CCNT2: variants seen among roughly 807,000 people sequenced by gnomAD.
CCNT2 encodes the protein cyclin T2.
CCNT2 carries 18 observed loss-of-function variants against 70.0 expected under a neutral mutation model. The ratio of observed to expected loss-of-function variants is 0.26; its 90% CI spans 0.18 to 0.38. CCNT2 has a LOEUF of 0.38. CCNT2 is among the 10% of genes least tolerant of loss of function. CCNT2 has a pLI of 1.00. For synonymous variants in CCNT2, 334 were observed against 313.3 expected, an observed-to-expected ratio of 1.07 and a Z score of -0.70; for missense variants, 734 against 890.2, an observed-to-expected ratio of 0.82 and a Z score of 2.23.
intron 5 of CCNT2, chr2:134,943,276 A>C: frequency 2.8e-6 from 1 of 353,386 alleles, no homozygotes; most frequent in Non-Finnish European, 4.0e-6. Flanking sequence ...TGGTACACGC[A>C]TGTAGTCTCA....
At chr2:134,931,260 A>ATATTTTTTTTTTTTTTTTTTTTTTT in intron 2 of CCNT2, among the ~76,000 whole-genome samples, 1 of 42,968 alleles carries the variant, frequency 2.3e-5, no homozygotes, top group East Asian at 2.0e-3. Flanking sequence ...CCATGCCCGG[A>ATATTTTTTTTTTTTTTTTTTTTTTT]TCTTTTTTTT....
At chr2:134,940,485 A>G (rs1681500236) in intron 4 of CCNT2, among the ~76,000 whole-genome samples, 1 of 152,236 alleles carries the variant, frequency 6.6e-6, no homozygotes, top group South Asian at 2.1e-4. Context: ...GCACACAAAC[A>G]GACAATATGT....
chr2:134,955,157 C>A lies in CCNT2; in HGVS notation c.*509C>A. ...ACATTTTTGTATGTTTAGATATTAC[C>A]GTAAATACTCAGGATTGGAGCTGCT... On this transcript the variant is annotated 3_prime_UTR_variant, in exon 9 of 9. Coordinates refer to ENST00000264157, the MANE Select transcript of CCNT2 (RefSeq NM_058241.3). The A allele has an allele frequency of 6.4e-6, 1 of 155,084 alleles. No homozygotes were observed. Among genetic ancestry groups the A allele is most frequent in the Non-Finnish European group, 1.4e-5 (1 of 69,522 alleles). The allele number at this position is 155,084 out of a possible 1,614,324, so 9.6% of individuals were successfully genotyped here.
chr2:134,926,745 A>G (rs1433783273), intron 2 of CCNT2, among the ~76,000 whole-genome samples: 2 of 152,036 alleles, frequency 1.3e-5, no homozygotes, highest in Admixed American at 1.3e-4. Context: ...TTTTTTCCTC[A>G]TTCGTATGTG....
chr2:134,951,049 C>CT (rs1038566317), intron 7 of CCNT2, among the ~76,000 whole-genome samples: 12 of 140,066 alleles, frequency 8.6e-5, no homozygotes, highest in East Asian at 2.1e-4. Flanking sequence ...TTTTTTTTTT[C>CT]TTTTTTTTTC....
intron 2 of CCNT2, among the ~76,000 whole-genome samples, chr2:134,931,443 C>T (rs1001362249): frequency 5.9e-5 from 9 of 151,770 alleles, no homozygotes; most frequent in Non-Finnish European, 1.0e-4. Context: ...ATGCAGACCA[C>T]ATAGTCTTGA....
rs1047055611 is a variant in CCNT2 at position 134,955,860 on chromosome 2, G to A, written c.*1212G>A. ...ACTGTGCATTGTACCTGTATTTATAGTTTATGGTTATCAGGAAGCTCTGTA... is the reference window on the plus strand; with the variant it reads ...ACTGTGCATTGTACCTGTATTTATAATTTATGGTTATCAGGAAGCTCTGTA... On this transcript the variant is annotated 3_prime_UTR_variant, in exon 9 of 9. Transcript: ENST00000264157. The A allele has an allele frequency of 6.6e-6, 1 of 152,614 alleles. No homozygotes were observed. Among genetic ancestry groups the A allele is most frequent in the African/African-American group, 2.4e-5 (1 of 41,438 alleles). 9.5% of individuals were successfully genotyped at this position (152,614 alleles called of 1,614,324 possible).
chr2:134,938,927 A>AG (rs1386490158), intron 3 of CCNT2, 75 bp from the exon 4 acceptor site: 2 of 918,640 alleles, frequency 2.2e-6, no homozygotes, highest in Non-Finnish European at 3.5e-6. Flanking sequence ...TGTAATTCTC[A>AG]CAAGATGTAA....
At position 134,958,742 on chromosome 2, in the gene CCNT2, T is replaced by G. The variant is rs1434608582; in HGVS notation, c.*4094T>G. On this transcript the variant is annotated 3_prime_UTR_variant, in exon 9 of 9. Coordinates refer to ENST00000264157, the MANE Select transcript of CCNT2 (RefSeq NM_058241.3). ...TGGGACTGAAAAGCTCAAAATGTTT[T>G]AGACCTAATATCATACATTAATTTT... 1 of 152,248 alleles carries G rather than the reference T, an allele frequency of 6.6e-6. No individual in the cohort carries two copies. The highest frequency in any genetic ancestry group is 6.5e-5 in the Admixed American group (1 of 15,288). The allele number at this position is 152,248 out of a possible 1,614,324, so 9.4% of individuals were successfully genotyped here.
At chr2:134,945,697 C>T in intron 5 of CCNT2, 1 of 1,262,346 alleles carries the variant, frequency 7.9e-7, no homozygotes, top group Non-Finnish European at 1.0e-6. Flanking sequence ...TTAAATATGA[C>T]TGAGGATTAA....
chr2:134,920,040 T>A (rs1679772450), intron 2 of CCNT2, 149 bp downstream of exon 2: 1 of 536,984 alleles, frequency 1.9e-6, no homozygotes. Context: ...TCAGATGCGG[T>A]GTTTTTGTGT....
At chr2:134,946,632 A>G (rs1010873579) in intron 6 of CCNT2, among the ~76,000 whole-genome samples, 2 of 151,988 alleles carry the variant, frequency 1.3e-5, no homozygotes, top group African/African-American at 4.8e-5. Context: ...TAGCAAGTTA[A>G]AAGTAGTCAA....
At chr2:134,929,559 G>A (rs185005371) in intron 2 of CCNT2, among the ~76,000 whole-genome samples, 177 of 148,846 alleles carry the variant, frequency 1.2e-3, no homozygotes, top group Middle Eastern at 7.4e-3. Context: ...AGTGAGCCAC[G>A]TTCACGCCAC....
At chr2:134,929,636 A>AGAGAGAGAGAGAGAGAGAG (rs1419165195) in intron 2 of CCNT2, among the ~76,000 whole-genome samples, 23 of 129,798 alleles carry the variant, frequency 1.8e-4, no homozygotes, top group South Asian at 2.9e-4. Flanking sequence ...AGAGAGAGAG[A>AGAGAGAGAGAGAGAGAGAG]ACTAATAAAT....
intron 2 of CCNT2, among the ~76,000 whole-genome samples, chr2:134,922,322 G>A (rs1224039238): frequency 6.6e-6 from 1 of 152,186 alleles, no homozygotes; most frequent in African/African-American, 2.4e-5. Context: ...TCCATTAACT[G>A]TGTGAAAATA....
intron 6 of CCNT2, among the ~76,000 whole-genome samples, chr2:134,947,248 G>A (rs1682050664): frequency 1.3e-5 from 2 of 152,124 alleles, no homozygotes; most frequent in African/African-American, 4.8e-5. Context: ...TTAATTCTCT[G>A]CTTCACTAAA....
chr2:134,952,000 T>C (rs769275789), intron 7 of CCNT2, among the ~76,000 whole-genome samples: 18 of 152,156 alleles, frequency 1.2e-4, no homozygotes, highest in Non-Finnish European at 2.1e-4. Context: ...TGTTCCTTAG[T>C]TGGGGTTTGT....
At chr2:134,941,595 A>G (rs1681586554) in intron 4 of CCNT2, among the ~76,000 whole-genome samples, 1 of 152,204 alleles carries the variant, frequency 6.6e-6, no homozygotes, top group Non-Finnish European at 1.5e-5. Context: ...AAAAGATACC[A>G]AAAAAGTGAG....
intron 5 of CCNT2, chr2:134,942,913 C>G (rs1573836891): frequency 7.6e-7 from 1 of 1,322,804 alleles, no homozygotes; most frequent in East Asian, 3.1e-5. Context: ...CTCCGGAGGG[C>G]TTCCAAGTAT....
Sources: gnomAD v4.1 joint callset for allele counts (sites outside exome capture counted in the v4.1 genomes callset) on GRCh38, gnomAD v4.1.1 for gene constraint, MANE v1.5 for transcripts, NCBI Gene and HGNC (gene_info 2026-07-23, HGNC 2026-07-21) for gene names.